SCN8A: variants seen among roughly 807,000 people sequenced by gnomAD.
The protein encoded by SCN8A is sodium channel protein type 8 subunit alpha.
A neutral mutation model predicts 184.1 loss-of-function variants in SCN8A; 30 were observed. The ratio of observed to expected loss-of-function variants is 0.16; its 90% CI spans 0.12 to 0.22. The LOEUF (loss-of-function observed/expected upper bound fraction) is 0.22. SCN8A is among the 10% of genes least tolerant of loss of function. The probability of loss-of-function intolerance (pLI) is 1.00; values close to 1 mark genes in which losing one functional copy is unlikely to be tolerated. For missense variants in SCN8A, 1,057 were observed against 2,498.9 expected (o/e 0.42, Z 12.30); for synonymous variants, 852 against 907.0 (o/e 0.94, Z 1.09).
At chr12:51,615,592 G>C (rs1939817899) in intron 1 of SCN8A, among the ~76,000 whole-genome samples, 1 of 151,930 alleles carries the variant, frequency 6.6e-6, no homozygotes, top group African/African-American at 2.4e-5. Context: ...GTACCGTGTA[G>C]ATCTCTTTAC....
In SCN8A at chr12:51,702,062, G is replaced by A. The variant is rs368121360; in HGVS notation, c.993-711G>A. Among the ~76,000 whole-genome samples the A allele has an allele frequency of 9.9e-5, 15 of 152,118 alleles. No individual in the cohort carries two copies. The South Asian group carries it at 1.7e-3, about 17-fold the overall frequency. ...CTTCTGGCCAGGCGCGGTGGCTCAC[G>A]CTTGTAATCCCAGCACTTTGGGAGG... On this transcript the variant is annotated intron_variant, in intron 8 of 26. Coordinates refer to ENST00000627620, the MANE Select transcript of SCN8A (RefSeq NM_001330260.2).
chr12:51,608,320 T>G (rs987248786), intron 1 of SCN8A, among the ~76,000 whole-genome samples: 1 of 152,064 alleles, frequency 6.6e-6, no homozygotes, highest in African/African-American at 2.4e-5. Context: ...TGGTACCAAT[T>G]TTTCTTTCAA....
At chr12:51,645,378 AG>A (rs1940556912) in intron 1 of SCN8A, among the ~76,000 whole-genome samples, 1 of 151,546 alleles carries the variant, frequency 6.6e-6, no homozygotes, top group Admixed American at 6.6e-5. Context: ...CCGGGAGGTG[AG>A]GGGCGCCTCT....
chr12:51,645,663 G>C (rs1352709173), intron 1 of SCN8A, among the ~76,000 whole-genome samples: 2 of 151,980 alleles, frequency 1.3e-5, no homozygotes, highest in Admixed American at 6.5e-5. Flanking sequence ...CCCCAACCCT[G>C]TGCTCTCTGA....
intron 1 of SCN8A, among the ~76,000 whole-genome samples, chr12:51,611,787 A>G (rs1198782129): frequency 6.6e-6 from 1 of 152,084 alleles, no homozygotes; most frequent in African/African-American, 2.4e-5. Context: ...GAGCCACTGC[A>G]CCCGGCCTAA....
chr12:51,611,454 G>A (rs1052235954), intron 1 of SCN8A, among the ~76,000 whole-genome samples: 13 of 151,784 alleles, frequency 8.6e-5, no homozygotes, highest in African/African-American at 3.1e-4. Flanking sequence ...GAGCCACCGC[G>A]CCCAGCTATA....
At chr12:51,692,232 C>G (rs1270332171) in intron 6 of SCN8A, among the ~76,000 whole-genome samples, 1 of 152,162 alleles carries the variant, frequency 6.6e-6, no homozygotes, top group Non-Finnish European at 1.5e-5. Flanking sequence ...CCCTGTGTAT[C>G]AACTTCCTTT....
intron 14 of SCN8A, among the ~76,000 whole-genome samples, chr12:51,759,606 TG>T (rs905492695): frequency 6.6e-6 from 1 of 152,172 alleles, no homozygotes; most frequent in Non-Finnish European, 1.5e-5. Flanking sequence ...AAACCACAGA[TG>T]GGGGGTACTT....
intron 2 of SCN8A, among the ~76,000 whole-genome samples, chr12:51,680,894 C>G (rs1488308029): frequency 6.6e-6 from 1 of 151,948 alleles, no homozygotes. Flanking sequence ...ATCTCAAGTA[C>G]TGGGGAGGCT....
rs957676613 is a variant in SCN8A, at chr12:51,811,484, C to T, written c.*4055C>T. On this transcript the variant is annotated 3_prime_UTR_variant, in exon 27 of 27. Coordinates refer to ENST00000627620, the MANE Select transcript of SCN8A (RefSeq NM_001330260.2). ...AAAACAAAAACAAAAAAACCCTATC[C>T]CTGTGCCCCAAAGCTAGGGCATGTG... 2 of 152,374 alleles carry T rather than the reference C, an allele frequency of 1.3e-5. No homozygotes were observed. Among genetic ancestry groups the T allele is most frequent in the Admixed American group, 6.5e-5 (1 of 15,286 alleles). 9.4% of individuals were successfully genotyped at this position (152,374 alleles called of 1,614,324 possible). A position where few individuals can be genotyped will look rare whatever the true frequency, so the allele number is the denominator to read the frequency against.
chr12:51,611,390 C>T (rs2138577871), intron 1 of SCN8A, among the ~76,000 whole-genome samples: 1 of 152,276 alleles, frequency 6.6e-6, no homozygotes, highest in South Asian at 2.1e-4. Context: ...GTCTCGATCT[C>T]CTGACCTTGT....
At chr12:51,614,772 A>G (rs2138584176) in intron 1 of SCN8A, among the ~76,000 whole-genome samples, 1 of 134,362 alleles carries the variant, frequency 7.4e-6, no homozygotes, top group East Asian at 2.3e-4. Flanking sequence ...GGTAGATAGC[A>G]TACTGTATGT....
chr12:51,650,323 C>G (rs1386746319), intron 1 of SCN8A, among the ~76,000 whole-genome samples: 1 of 152,128 alleles, frequency 6.6e-6, no homozygotes, highest in African/African-American at 2.4e-5. Context: ...AAAGTTGCTT[C>G]CATGTTTTCA....
chr12:51,800,020 G>A (rs1384030901), intron 26 of SCN8A, among the ~76,000 whole-genome samples: 1 of 152,218 alleles, frequency 6.6e-6, no homozygotes, highest in Non-Finnish European at 1.5e-5. Context: ...TGTCATCAAT[G>A]TAATGGACCA....
chr12:51,774,111 C>T (rs1417798571), intron 19 of SCN8A, 78 bp from the exon 20 acceptor site: 2 of 1,374,584 alleles, frequency 1.5e-6, no homozygotes, highest in African/African-American at 2.9e-5. Context: ...TGTGGGACGG[C>T]TCCCTGAGGA....
In SCN8A at chr12:51,683,788, C is replaced by A. The variant is rs1941374628; in HGVS notation, c.277-386C>A. On this transcript the variant is annotated intron_variant, in intron 2 of 26. Coordinates refer to ENST00000627620, the MANE Select transcript of SCN8A (RefSeq NM_001330260.2). Reference sequence around the variant, plus strand: ...GACTATCTTGTTCACTGACCATTCCCAAGCACCTAGAACACTGTCTGACAC... The same window carrying A: ...GACTATCTTGTTCACTGACCATTCCAAAGCACCTAGAACACTGTCTGACAC... 5.3e-5 allele frequency among the ~76,000 whole-genome samples: 8 copies of A among 152,290 alleles called. No individual in the cohort carries two copies. In the South Asian group the frequency reaches 1.5e-3, roughly 28 times the overall value.
At chr12:51,629,576 GT>G (rs1940153293) in intron 1 of SCN8A, among the ~76,000 whole-genome samples, 1 of 75,096 alleles carries the variant, frequency 1.3e-5, no homozygotes, top group Non-Finnish European at 2.5e-5. Flanking sequence ...TTCTGCATCA[GT>G]TTTGCAAAAA....
At chr12:51,689,339 T>A (rs767626264) in intron 6 of SCN8A, 2 of 469,472 alleles carry the variant, frequency 4.3e-6, no homozygotes, top group Non-Finnish European at 7.7e-6. Context: ...TAAGAATCAC[T>A]TGGATCTCAC....
At chr12:51,677,383 C>T (rs1941240518) in intron 2 of SCN8A, among the ~76,000 whole-genome samples, 1 of 151,926 alleles carries the variant, frequency 6.6e-6, no homozygotes, top group African/African-American at 2.4e-5. Context: ...GATGTGAGCC[C>T]ATCCTGTTTT....
Sources: allele counts gnomAD v4.1 joint callset (sites outside exome capture counted in the v4.1 genomes callset), GRCh38; gene constraint gnomAD v4.1.1; transcripts MANE v1.5; gene names NCBI Gene and HGNC (gene_info 2026-07-23, HGNC 2026-07-21).